Variants in NLGN1 observed in about 807,000 individuals in gnomAD.
NLGN1 encodes the protein neuroligin-1.
A neutral mutation model predicts 65.5 loss-of-function variants in NLGN1; 12 were observed. That is an observed-to-expected ratio of 0.18 (90% CI 0.12 to 0.30). NLGN1 has a LOEUF of 0.30. Among genes scored for constraint, NLGN1 ranks in the 10% least tolerant of loss-of-function variants. The pLI is 1.00. For synonymous variants in NLGN1, 350 were observed against 359.5 expected (o/e 0.97, Z 0.30); for missense variants, 750 against 1,007.1 (o/e 0.74, Z 3.46).
chr3:174,214,565 A>G (rs143066390), intron 4 of NLGN1, among the ~76,000 whole-genome samples: 64 of 152,294 alleles, frequency 4.2e-4, no homozygotes, highest in African/African-American at 1.4e-3. Context: ...TTGGTTATCC[A>G]TGATGGTAGG....
In NLGN1 at chr3:173,674,545, C is replaced by T. The variant is rs1201912183; in HGVS notation, c.493+69454C>T. On this transcript the variant is annotated intron_variant, in intron 3 of 6. Transcript: ENST00000457714. ...ATAGGAAAAAAGAATTGTAATGTTA[C>T]GAATATGTTATTTAAAGTTACAGGA... Among the ~76,000 whole-genome samples the T allele has an allele frequency of 2.6e-5, 4 of 151,986 alleles. No homozygotes were observed. In the East Asian group the frequency reaches 5.8e-4, roughly 22 times the overall value.
intron 2 of NLGN1, among the ~76,000 whole-genome samples, chr3:173,573,356 T>C (rs765479215): frequency 6.6e-6 from 1 of 152,084 alleles, no homozygotes. Flanking sequence ...TGAGAGTTGA[T>C]ATTATTTTTG....
chr3:174,047,367 A>C (rs1444678947), intron 4 of NLGN1, among the ~76,000 whole-genome samples: 1 of 152,014 alleles, frequency 6.6e-6, no homozygotes, highest in Non-Finnish European at 1.5e-5. Context: ...ATTTTAGCCA[A>C]GGTCCAATAC....
chr3:173,464,239 A>G (rs1463936220), intron 2 of NLGN1, among the ~76,000 whole-genome samples: 2 of 152,154 alleles, frequency 1.3e-5, no homozygotes, highest in Non-Finnish European at 2.9e-5. Context: ...CCTGTAAATT[A>G]GCTTTCTTAC....
At chr3:173,683,434 C>T (rs1046248368) in intron 3 of NLGN1, among the ~76,000 whole-genome samples, 2 of 152,126 alleles carry the variant, frequency 1.3e-5, no homozygotes, top group Admixed American at 1.3e-4. Flanking sequence ...CCTGTCACTA[C>T]TGAGGATATG....
exon 7 of NLGN1, chr3:174,283,965 C>A (rs1376885938): frequency 1.3e-5 from 2 of 151,284 alleles, no homozygotes; most frequent in Non-Finnish European, 1.5e-5. Context: ...CTTCATTTGG[C>A]AAAACCAAAC....
chr3:173,776,635 C>T (rs533713259), intron 3 of NLGN1, among the ~76,000 whole-genome samples: 16 of 152,016 alleles, frequency 1.1e-4, no homozygotes, highest in African/African-American at 3.6e-4. Context: ...TTCCTCATAC[C>T]TGACTACTTC....
intron 4 of NLGN1, among the ~76,000 whole-genome samples, chr3:174,111,131 A>G (rs143535454): frequency 6.6e-5 from 10 of 152,094 alleles, no homozygotes; most frequent in African/African-American, 2.4e-4. Context: ...TGTAGTTTTC[A>G]TAACTATTAG....
intron 4 of NLGN1, among the ~76,000 whole-genome samples, chr3:174,044,641 C>G (rs771599369): frequency 7.2e-5 from 11 of 152,104 alleles, no homozygotes; most frequent in Non-Finnish European, 1.2e-4. Flanking sequence ...GCATTTTGGT[C>G]AAAGCCATTC....
chr3:173,746,306 CATTT>C (rs1449105335), intron 3 of NLGN1, among the ~76,000 whole-genome samples: 1 of 152,024 alleles, frequency 6.6e-6, no homozygotes, highest in East Asian at 1.9e-4. Context: ...AAATTTATCT[CATTT>C]TATGGGTATC....
intron 4 of NLGN1, among the ~76,000 whole-genome samples, chr3:174,016,760 C>T (rs59276974): frequency 0.056 from 8,529 of 152,030 alleles, 754 homozygotes; most frequent in African/African-American, 0.19. Context: ...ATCTTAATTG[C>T]GGGCCTTAGC....
At chr3:173,410,425 A>C (rs1402261375) in intron 1 of NLGN1, among the ~76,000 whole-genome samples, 1 of 152,184 alleles carries the variant, frequency 6.6e-6, no homozygotes. Context: ...GATGAGTCAA[A>C]CGCTACCTCA....
chr3:173,881,769 C>T (rs1733377362), intron 4 of NLGN1, among the ~76,000 whole-genome samples: 1 of 152,104 alleles, frequency 6.6e-6, no homozygotes, highest in Non-Finnish European at 1.5e-5. Context: ...GAGTCTTGAC[C>T]TCTCAGAGTT....
chr3:173,781,904 G>A (rs573423705), intron 3 of NLGN1, among the ~76,000 whole-genome samples: 2 of 152,252 alleles, frequency 1.3e-5, no homozygotes, highest in South Asian at 4.1e-4. Flanking sequence ...CCTCAGTCAC[G>A]GAAAACCTTA....
At chr3:174,248,232 A>G (rs1476729343) in intron 4 of NLGN1, among the ~76,000 whole-genome samples, 5 of 152,274 alleles carry the variant, frequency 3.3e-5, no homozygotes, top group Non-Finnish European at 7.4e-5. Flanking sequence ...AAATTTGTAC[A>G]TATGGCATAC....
chr3:173,886,595 A>C (rs944564108), intron 4 of NLGN1, among the ~76,000 whole-genome samples: 1 of 152,118 alleles, frequency 6.6e-6, no homozygotes, highest in African/African-American at 2.4e-5. Flanking sequence ...AACTTATACT[A>C]TATATAAGGC....
At chr3:173,745,826 A>C (rs1256230023) in intron 3 of NLGN1, among the ~76,000 whole-genome samples, 1 of 152,122 alleles carries the variant, frequency 6.6e-6, no homozygotes, top group African/African-American at 2.4e-5. Flanking sequence ...GACAAAGGAT[A>C]ATTTGAATCA....
At position 174,081,390 on chromosome 3, in the gene NLGN1, C is replaced by T. The variant is rs768816161; in HGVS notation, c.647-193925C>T. On this transcript the variant is annotated intron_variant, in intron 4 of 6. Transcript: ENST00000457714. Reference sequence around the variant, plus strand: ...CTGAGAAGTTCAAGATCAAGGCACCCGAAAATATGGTGTCTGCTGAGGCCC... The same window carrying T: ...CTGAGAAGTTCAAGATCAAGGCACCTGAAAATATGGTGTCTGCTGAGGCCC... Among the ~76,000 whole-genome samples, 10 of 151,938 alleles carry T rather than the reference C, an allele frequency of 6.6e-5. No homozygotes were observed. In the East Asian group the frequency reaches 7.8e-4, roughly 12 times the overall value.
At chr3:174,053,197 G>A (rs529130647) in intron 4 of NLGN1, among the ~76,000 whole-genome samples, 15 of 151,930 alleles carry the variant, frequency 9.9e-5, no homozygotes, top group African/African-American at 3.4e-4. Flanking sequence ...CAGGTGTTTC[G>A]GGGCCAATCT....
Sources: gnomAD v4.1 joint callset for allele counts (sites outside exome capture counted in the v4.1 genomes callset) on GRCh38, gnomAD v4.1.1 for gene constraint, MANE v1.5 for transcripts, NCBI Gene and HGNC (gene_info 2026-07-23, HGNC 2026-07-21) for gene names.